Variants in JAZF1 observed in about 807,000 individuals in gnomAD.
The protein encoded by JAZF1 is JAZF zinc finger 1.
Under a neutral mutation model 26.4 loss-of-function variants are expected in JAZF1, and 8 were observed. That is an observed-to-expected ratio of 0.30 (90% CI 0.18 to 0.55). The LOEUF (loss-of-function observed/expected upper bound fraction) is 0.55, where lower values mean the gene tolerates loss of function less well. JAZF1 is among the 20% of genes least tolerant of loss of function. The pLI is 0.94. For synonymous variants in JAZF1, 126 were observed against 122.3 expected, an observed-to-expected ratio of 1.03 and a Z score of -0.20; for missense variants, 199 against 322.0, an observed-to-expected ratio of 0.62 and a Z score of 2.92.
chr7:28,106,432 A>G (rs1253609617), intron 1 of JAZF1, among the ~76,000 whole-genome samples: 1 of 152,230 alleles, frequency 6.6e-6, no homozygotes, highest in African/African-American at 2.4e-5. Flanking sequence ...TTCAATAAAT[A>G]GAACTCAAGT....
At chr7:28,151,848 A>T (rs1403515751) in intron 1 of JAZF1, among the ~76,000 whole-genome samples, 1 of 152,196 alleles carries the variant, frequency 6.6e-6, no homozygotes, top group Non-Finnish European at 1.5e-5. Context: ...AGTCAAAACT[A>T]ATGTTTTTAA....
chr7:28,162,362 T>C (rs2052002670), intron 1 of JAZF1, among the ~76,000 whole-genome samples: 1 of 152,230 alleles, frequency 6.6e-6, no homozygotes, highest in South Asian at 2.1e-4. Flanking sequence ...CTCTTTTCCT[T>C]TCCCTCTACA....
chr7:27,989,351 G>A (rs561662465), intron 2 of JAZF1, among the ~76,000 whole-genome samples: 2 of 152,232 alleles, frequency 1.3e-5, no homozygotes, highest in East Asian at 3.9e-4. Flanking sequence ...AAGAAACCTA[G>A]GCAATAGCAT....
At chr7:27,985,873 A>T (rs552910163) in intron 2 of JAZF1, among the ~76,000 whole-genome samples, 1 of 152,296 alleles carries the variant, frequency 6.6e-6, no homozygotes, top group African/African-American at 2.4e-5. Flanking sequence ...TCTCAATAGA[A>T]GCAGAAAAGG....
intron 1 of JAZF1, among the ~76,000 whole-genome samples, chr7:28,098,492 G>A (rs185437578): frequency 8.8e-4 from 133 of 151,636 alleles, no homozygotes; most frequent in Non-Finnish European, 8.8e-4. Flanking sequence ...GGTATACAGC[G>A]ACCACCAAGA....
intron 1 of JAZF1, among the ~76,000 whole-genome samples, chr7:28,143,896 C>T (rs894657395): frequency 3.3e-5 from 5 of 152,148 alleles, no homozygotes; most frequent in African/African-American, 1.2e-4. Flanking sequence ...TAAGCTCTAG[C>T]AGATCAAAAT....
At position 27,831,503 on chromosome 7, in the gene JAZF1, C is replaced by CTT; in HGVS notation, c.*1295_*1296dup. 1 of 229,024 alleles carries CTT rather than the reference C, an allele frequency of 4.4e-6. No homozygotes were observed. The highest frequency in any genetic ancestry group is 8.7e-6 in the Non-Finnish European group (1 of 115,120). The allele number at this position is 229,024 out of a possible 1,614,324, so 14.2% of individuals were successfully genotyped here. On this transcript the variant is annotated 3_prime_UTR_variant, in exon 5 of 5. Transcript: ENST00000283928. ...TGATGGTACTGTCGGTGAGGAAAAA[C>CTT]TTAAGGAATGGTCCAGATGTAGATT...
intron 1 of JAZF1, among the ~76,000 whole-genome samples, chr7:28,144,809 T>C (rs900399833): frequency 6.6e-6 from 1 of 152,338 alleles, no homozygotes; most frequent in Middle Eastern, 3.4e-3. Flanking sequence ...CTCCTAATTT[T>C]CCGATTTCAG....
chr7:28,120,501 C>CTTTTTTTTTTTTTTTTTTTT lies in JAZF1; in HGVS notation c.115+59942_115+59961dup, dbSNP rs58448766. On this transcript the variant is annotated intron_variant, in intron 1 of 4. Coordinates refer to ENST00000283928, the MANE Select transcript of JAZF1 (RefSeq NM_175061.4). Reference sequence around the variant, plus strand: ...TCTGAACCACTAGCCACACACAGTTCTTTTTTTTTTTTTTTTTTTTTTTTT... The same window carrying CTTTTTTTTTTTTTTTTTTTT: ...TCTGAACCACTAGCCACACACAGTTCTTTTTTTTTTTTTTTTTTTTTTTTTTTTTTTTTTTTTTTTTTTTT... Among the ~76,000 whole-genome samples the CTTTTTTTTTTTTTTTTTTTT allele has an allele frequency of 1.8e-3, 104 of 59,010 alleles. 30 individuals carry two copies. Among genetic ancestry groups the CTTTTTTTTTTTTTTTTTTTT allele is most frequent in the East Asian group, 6.5e-3 (6 of 918 alleles). The allele number at this position is 59,010 out of a possible 152,430, so 38.7% of individuals were successfully genotyped here.
intron 2 of JAZF1, among the ~76,000 whole-genome samples, chr7:27,960,495 G>A (rs993908349): frequency 6.6e-6 from 1 of 152,194 alleles, no homozygotes; most frequent in East Asian, 1.9e-4. Context: ...CTCTAACAAT[G>A]TCTGACAGTC....
intron 1 of JAZF1, among the ~76,000 whole-genome samples, chr7:28,038,585 A>G (rs1783335370): frequency 6.6e-6 from 1 of 152,178 alleles, no homozygotes; most frequent in Admixed American, 6.5e-5. Flanking sequence ...GTGAACATTC[A>G]GGTTTGAAAC....
At position 27,833,652 on chromosome 7, in the gene JAZF1, C is replaced by T. The variant is rs7797980; in HGVS notation, c.556-676G>A. On this transcript the variant is annotated intron_variant, in intron 4 of 4. Coordinates refer to ENST00000283928, the MANE Select transcript of JAZF1 (RefSeq NM_175061.4). ...CCTTAAGTATTACATTCCAAACATA[C>T]AATGAACTTTAAAAATTTAAGGTTA... Among the ~76,000 whole-genome samples, 1,478 of 152,258 alleles carry T rather than the reference C, an allele frequency of 9.7e-3. 19 individuals are homozygous for T. Among genetic ancestry groups the T allele is most frequent in the Middle Eastern group, 0.031 (9 of 294 alleles).
chr7:28,029,024 T>C (rs950353607), intron 1 of JAZF1, among the ~76,000 whole-genome samples: 3 of 151,980 alleles, frequency 2.0e-5, no homozygotes, highest in Non-Finnish European at 4.4e-5. Flanking sequence ...TAACATAATA[T>C]ACCTAACTTA....
chr7:28,048,188 A>C (rs1418959079), intron 1 of JAZF1, among the ~76,000 whole-genome samples: 1 of 152,166 alleles, frequency 6.6e-6, no homozygotes, highest in Non-Finnish European at 1.5e-5. Flanking sequence ...GTAATTTTCA[A>C]ATTCATTTCT....
intron 3 of JAZF1, among the ~76,000 whole-genome samples, chr7:27,847,272 G>A (rs1333947055): frequency 1.3e-5 from 2 of 151,590 alleles, no homozygotes; most frequent in Admixed American, 6.6e-5. Flanking sequence ...TTACAGGCAT[G>A]AACCACCATG....
intron 2 of JAZF1, among the ~76,000 whole-genome samples, chr7:27,929,959 T>TCTCTCTCTCC (rs930029359): frequency 6.8e-6 from 1 of 146,230 alleles, no homozygotes; most frequent in Non-Finnish European, 1.5e-5. Context: ...TCTCTCTCTC[T>TCTCTCTCTCC]CCCCCTCTCT....
At chr7:28,103,657 T>C (rs1332637815) in intron 1 of JAZF1, among the ~76,000 whole-genome samples, 2 of 152,138 alleles carry the variant, frequency 1.3e-5, no homozygotes, top group Non-Finnish European at 1.5e-5. Context: ...CTTGGTTTCT[T>C]TCTTTCTCTC....
At chr7:28,036,723 T>C (rs1216293958) in intron 1 of JAZF1, among the ~76,000 whole-genome samples, 2 of 152,198 alleles carry the variant, frequency 1.3e-5, no homozygotes, top group African/African-American at 2.4e-5. Context: ...TTTACCTCCC[T>C]TTATTAGACA....
chr7:27,835,120 AG>A (rs1311480535), intron 4 of JAZF1, among the ~76,000 whole-genome samples: 1 of 152,210 alleles, frequency 6.6e-6, no homozygotes, highest in Admixed American at 6.5e-5. Context: ...GATGCAGGAC[AG>A]CTCATTAATA....
Sources: gnomAD v4.1 joint callset for allele counts (sites outside exome capture counted in the v4.1 genomes callset) on GRCh38, gnomAD v4.1.1 for gene constraint, MANE v1.5 for transcripts, NCBI Gene and HGNC (gene_info 2026-07-23, HGNC 2026-07-21) for gene names.